FGGY: variants seen among roughly 807,000 people sequenced by gnomAD.
FGGY encodes the protein FGGY carbohydrate kinase domain-containing protein.
In FGGY, 72 loss-of-function variants were observed where a neutral mutation model predicts 71.3. That is an observed-to-expected ratio of 1.01 (90% CI 0.84 to 1.23). FGGY has a LOEUF of 1.23. FGGY is among the 50% of genes most tolerant of loss of function. The pLI, the probability that FGGY is intolerant of heterozygous loss-of-function variation, is 0.00. For missense variants in FGGY, 668 were observed against 682.3 expected (o/e 0.98, Z 0.23); for synonymous variants, 251 against 250.3 (o/e 1.00, Z -0.02).
intron 6 of FGGY, among the ~76,000 whole-genome samples, chr1:59,498,876 C>T (rs670868): frequency 0.37 from 55,900 of 152,130 alleles, 11,100 homozygotes; most frequent in African/African-American, 0.51. Flanking sequence ...AAATTCCACT[C>T]CTCCCCCGGA....
intron 14 of FGGY, among the ~76,000 whole-genome samples, chr1:59,697,366 A>T (rs777465436): frequency 6.6e-6 from 1 of 151,834 alleles, no homozygotes. Flanking sequence ...CCCTCCCCCA[A>T]CCCCTAGCAA....
intron 5 of FGGY, among the ~76,000 whole-genome samples, chr1:59,404,183 A>T (rs908420009): frequency 7.2e-5 from 11 of 151,870 alleles, no homozygotes; most frequent in Non-Finnish European, 1.2e-4. Flanking sequence ...TTGGGAGGGG[A>T]ACAACACACA....
intron 11 of FGGY, among the ~76,000 whole-genome samples, chr1:59,646,009 G>A (rs1489484681): frequency 1.3e-5 from 2 of 152,226 alleles, no homozygotes; most frequent in African/African-American, 4.8e-5. Flanking sequence ...CCAGGAGAGA[G>A]TCAGGGAGGA....
At chr1:59,681,064 A>G (rs1158385052) in intron 14 of FGGY, 1 of 152,174 alleles carries the variant, frequency 6.6e-6, no homozygotes, top group Non-Finnish European at 1.5e-5. Flanking sequence ...ACTCACCAGT[A>G]TTATTTTGCT....
chr1:59,574,208 G>C (rs527682172), intron 8 of FGGY, among the ~76,000 whole-genome samples: 1 of 152,182 alleles, frequency 6.6e-6, no homozygotes, highest in Non-Finnish European at 1.5e-5. Flanking sequence ...GGAGGTTCCA[G>C]GGGAAAACCT....
chr1:59,375,452 C>A (rs2058510292), intron 4 of FGGY, among the ~76,000 whole-genome samples: 1 of 152,140 alleles, frequency 6.6e-6, no homozygotes, highest in Non-Finnish European at 1.5e-5. Context: ...TTGCTATCTT[C>A]CCTTCTGAGA....
intron 9 of FGGY, among the ~76,000 whole-genome samples, chr1:59,611,664 G>C (rs2096681250): frequency 6.6e-6 from 1 of 152,236 alleles, no homozygotes; most frequent in Admixed American, 6.5e-5. Context: ...ACTTTGACGA[G>C]TTGAGAGAAG....
chr1:59,515,760 C>T (rs2094629507), intron 7 of FGGY, among the ~76,000 whole-genome samples: 1 of 152,138 alleles, frequency 6.6e-6, no homozygotes, highest in Non-Finnish European at 1.5e-5. Flanking sequence ...TTTTGCCCTC[C>T]ACCATGATTA....
At chr1:59,524,144 G>C (rs2094911468) in intron 7 of FGGY, among the ~76,000 whole-genome samples, 1 of 152,234 alleles carries the variant, frequency 6.6e-6, no homozygotes, top group African/African-American at 2.4e-5. Flanking sequence ...GCTCTGGAGT[G>C]GGGCAGAGTT....
intron 6 of FGGY, among the ~76,000 whole-genome samples, chr1:59,470,332 T>C (rs2092877279): frequency 6.6e-6 from 1 of 152,228 alleles, no homozygotes; most frequent in African/African-American, 2.4e-5. Context: ...TCATTGTGGT[T>C]TTGATTTGCA....
chr1:59,590,719 C>A (rs893624451), intron 8 of FGGY, among the ~76,000 whole-genome samples: 10 of 152,140 alleles, frequency 6.6e-5, no homozygotes, highest in African/African-American at 2.4e-4. Flanking sequence ...GCAGAAAAGG[C>A]CTTTGACAAA....
intron 8 of FGGY, among the ~76,000 whole-genome samples, chr1:59,560,619 C>T (rs954040133): frequency 1.3e-5 from 2 of 152,054 alleles, no homozygotes; most frequent in Non-Finnish European, 2.9e-5. Context: ...TAACTATTCA[C>T]TCATAAAGAA....
intron 14 of FGGY, among the ~76,000 whole-genome samples, chr1:59,753,482 A>G (rs2098264095): frequency 9.5e-6 from 1 of 104,810 alleles, no homozygotes; most frequent in Non-Finnish European, 1.9e-5. Flanking sequence ...ATATATATAT[A>G]TATATATATA....
At chr1:59,599,540 A>G (rs971621982) in intron 8 of FGGY, among the ~76,000 whole-genome samples, 1 of 151,926 alleles carries the variant, frequency 6.6e-6, no homozygotes, top group African/African-American at 2.4e-5. Flanking sequence ...CTAAAAATAT[A>G]AACATTAGCT....
At chr1:59,586,252 A>C (rs1195416603) in intron 8 of FGGY, among the ~76,000 whole-genome samples, 2 of 152,236 alleles carry the variant, frequency 1.3e-5, no homozygotes, top group African/African-American at 4.8e-5. Context: ...AAAGACTTGG[A>C]ACCAAGCCAG....
intron 6 of FGGY, among the ~76,000 whole-genome samples, chr1:59,476,908 C>G (rs2093289618): frequency 6.6e-6 from 1 of 152,222 alleles, no homozygotes; most frequent in African/African-American, 2.4e-5. Context: ...TTGGAACCAT[C>G]TCGGCTCCTC....
chr1:59,731,639 G>A (rs2098030767), intron 14 of FGGY, among the ~76,000 whole-genome samples: 1 of 151,868 alleles, frequency 6.6e-6, no homozygotes, highest in Non-Finnish European at 1.5e-5. Context: ...AGGAGATGGG[G>A]GTGGGGGGCA....
intron 3 of FGGY, among the ~76,000 whole-genome samples, chr1:59,345,023 C>T (rs987962347): frequency 3.9e-5 from 6 of 152,090 alleles, no homozygotes; most frequent in East Asian, 1.9e-4. Flanking sequence ...ACACTTTGTG[C>T]ATTTCCCAGC....
chr1:59,611,135 G>T (rs1186974959), intron 9 of FGGY, among the ~76,000 whole-genome samples: 1 of 152,190 alleles, frequency 6.6e-6, no homozygotes, highest in Non-Finnish European at 1.5e-5. Context: ...ACACTTAAAC[G>T]TCCCTGTCTG....
Sources: gnomAD v4.1 joint callset for allele counts (sites outside exome capture counted in the v4.1 genomes callset) on GRCh38, gnomAD v4.1.1 for gene constraint, MANE v1.5 for transcripts, NCBI Gene and HGNC (gene_info 2026-07-23, HGNC 2026-07-21) for gene names.